Variants in USP25 observed in about 807,000 individuals in gnomAD.
USP25 encodes ubiquitin carboxyl-terminal hydrolase 25.
A neutral mutation model predicts 158.5 loss-of-function variants in USP25; 85 were observed. The observed-to-expected ratio is 0.54, with a 90% CI of 0.45 to 0.64. The LOEUF is 0.64. Among genes scored for constraint, USP25 ranks in the 30% least tolerant of loss-of-function variants. The pLI is 0.00. For synonymous variants in USP25, 464 were observed against 460.4 expected, an observed-to-expected ratio of 1.01 and a Z score of -0.10; for missense variants, 1,242 against 1,327.3, an observed-to-expected ratio of 0.94 and a Z score of 1.00.
At chr21:15,760,938 G>A (rs926467635) in intron 1 of USP25, among the ~76,000 whole-genome samples, 3 of 152,036 alleles carry the variant, frequency 2.0e-5, no homozygotes, top group East Asian at 1.9e-4. Context: ...ATATTTCTCC[G>A]GTTGTCTCAA....
At chr21:15,742,011 G>A (rs998168492) in intron 1 of USP25, among the ~76,000 whole-genome samples, 2 of 152,170 alleles carry the variant, frequency 1.3e-5, no homozygotes, top group African/African-American at 4.8e-5. Context: ...TTTTAGTTGG[G>A]TTGGAAGTTT....
chr21:15,794,949 T>C (rs2035786137), intron 5 of USP25, among the ~76,000 whole-genome samples: 1 of 151,580 alleles, frequency 6.6e-6, no homozygotes, highest in East Asian at 1.9e-4. Context: ...TGATGCATAT[T>C]GTCAGAACAT....
chr21:15,736,094 C>G (rs1347808484), intron 1 of USP25, among the ~76,000 whole-genome samples: 1 of 149,822 alleles, frequency 6.7e-6, no homozygotes, highest in East Asian at 2.0e-4. Context: ...AGATGCTGAT[C>G]TTATTTCCTG....
chr21:15,751,738 A>G (rs1376108494), intron 1 of USP25, among the ~76,000 whole-genome samples: 1 of 152,192 alleles, frequency 6.6e-6, no homozygotes, highest in Non-Finnish European at 1.5e-5. Context: ...GGTTTTTGGA[A>G]CTGAAAATAC....
In USP25 at chr21:15,833,339, G is replaced by T; in HGVS notation, c.1994-9G>T. 6.2e-7 allele frequency: 1 copy of T among 1,604,268 alleles called. No homozygotes were observed. The highest frequency in any genetic ancestry group is 1.1e-5 in the South Asian group (1 of 88,228). ...AATTTTATACTAGTTTTTGAAATATGATTTGCAGAGGAGTTTAATAAAGAA... is the reference window on the plus strand; with the variant it reads ...AATTTTATACTAGTTTTTGAAATATTATTTGCAGAGGAGTTTAATAAAGAA... On this transcript the variant is annotated splice_polypyrimidine_tract_variant and intron_variant, in intron 16 of 25. Transcript: ENST00000400183.
At chr21:15,752,091 G>A (rs571925811) in intron 1 of USP25, among the ~76,000 whole-genome samples, 5 of 151,536 alleles carry the variant, frequency 3.3e-5, no homozygotes, top group Admixed American at 1.3e-4. Flanking sequence ...GCGCCACCAC[G>A]CCTGGCTAAT....
Position 15,843,505 on chromosome 21 carries a change from A to T in USP25, c.2337+965A>T, listed in dbSNP as rs1380916984. Among the ~76,000 whole-genome samples the T allele has an allele frequency of 6.6e-6, 1 of 152,240 alleles. No homozygotes were observed. Among genetic ancestry groups the T allele is most frequent in the Non-Finnish European group, 1.5e-5 (1 of 68,034 alleles). ...TAATTTTGTTTTGATGAACTAAATA[A>T]CAATACAAATTATTTTTTGTTTGAA... On this transcript the variant is annotated intron_variant, in intron 18 of 25. Transcript: ENST00000400183. This position sits in a 1 kb window ranked among gnomAD's most constrained non-coding sequence, Gnocchi z 4.0.
chr21:15,812,913 A>G (rs939405663), intron 9 of USP25, among the ~76,000 whole-genome samples: 3 of 152,026 alleles, frequency 2.0e-5, no homozygotes, highest in Non-Finnish European at 4.4e-5. Context: ...CCCCACTGCA[A>G]AAGTCCCTCA....
chr21:15,877,206 T>C (rs2040133879), intron 24 of USP25: 1 of 152,226 alleles, frequency 6.6e-6, no homozygotes, highest in Non-Finnish European at 1.5e-5. Context: ...CAGAAAAAGT[T>C]TGCCAATCCT....
intron 22 of USP25, among the ~76,000 whole-genome samples, chr21:15,869,549 C>A (rs546650847): frequency 2.6e-5 from 4 of 152,064 alleles, no homozygotes; most frequent in Non-Finnish European, 5.9e-5. Context: ...TTTACCATAT[C>A]TCATGTAAAT....
intron 4 of USP25, among the ~76,000 whole-genome samples, chr21:15,786,392 T>C (rs995371824): frequency 6.6e-6 from 1 of 152,140 alleles, no homozygotes; most frequent in South Asian, 2.1e-4. Context: ...AACAAGATTC[T>C]AGCACGTCCG....
chr21:15,857,479 A>G (rs937822634), intron 20 of USP25, among the ~76,000 whole-genome samples: 10 of 152,098 alleles, frequency 6.6e-5, no homozygotes, highest in African/African-American at 1.7e-4. Flanking sequence ...ATGTAATCTC[A>G]TATTTCAAAA....
intron 1 of USP25, among the ~76,000 whole-genome samples, chr21:15,731,527 A>C (rs868653926): frequency 6.6e-6 from 1 of 152,188 alleles, no homozygotes; most frequent in Non-Finnish European, 1.5e-5. Context: ...GGCTGTCTAC[A>C]TACAGCCTGC....
At chr21:15,825,715 C>T (rs533328699) in intron 12 of USP25, among the ~76,000 whole-genome samples, 2 of 152,224 alleles carry the variant, frequency 1.3e-5, no homozygotes, top group East Asian at 3.9e-4. Flanking sequence ...CTCTGCATTC[C>T]CCTATTTTAG....
intron 1 of USP25, among the ~76,000 whole-genome samples, chr21:15,754,190 C>T (rs186327702): frequency 1.8e-4 from 28 of 152,252 alleles, no homozygotes; most frequent in Admixed American, 1.5e-3. Context: ...ATATTCTAGT[C>T]GCCTGCAGTC....
At chr21:15,859,537 C>T (rs1281380004) in intron 20 of USP25, among the ~76,000 whole-genome samples, 1 of 152,100 alleles carries the variant, frequency 6.6e-6, no homozygotes, top group Admixed American at 6.5e-5. Context: ...TTAGATATCA[C>T]AGAAATTATC....
chr21:15,772,779 T>C (rs755195311), intron 3 of USP25, among the ~76,000 whole-genome samples: 21 of 152,232 alleles, frequency 1.4e-4, no homozygotes, highest in Non-Finnish European at 7.3e-5. Context: ...AACATTTTAT[T>C]TTCTTTTACT....
In USP25 at chr21:15,877,936, A is replaced by G. The variant is rs1271787334; in HGVS notation, c.3150A>G (p.Leu1050=). 1 of 1,613,344 alleles carries G rather than the reference A, an allele frequency of 6.2e-7. No homozygotes were observed. The highest frequency in any genetic ancestry group is 1.3e-5 in the African/African-American group (1 of 74,864). Residue 1050 remains leucine (L), a synonymous_variant, in exon 25 of 26, where the codon CTA becomes CTG. Coordinates refer to ENST00000400183, the MANE Select transcript of USP25 (RefSeq NM_001283041.3). ...ATGAAATGGAAGAAAAGGATATACT[A>G]GCTGTAGAAGATATGAGAAATCGAT... The part of the protein sequence containing the change: ...LVDEMEEKDI[L]AVEDMRNRWC...
chr21:15,828,611 TATG>T (rs2037644074), intron 14 of USP25, among the ~76,000 whole-genome samples: 1 of 152,096 alleles, frequency 6.6e-6, no homozygotes, highest in South Asian at 2.1e-4. Context: ...GAAAGAGAAA[TATG>T]ATGAGTTCTC....
Sources: allele counts gnomAD v4.1 joint callset (sites outside exome capture counted in the v4.1 genomes callset), GRCh38; gene constraint gnomAD v4.1.1; non-coding constraint Gnocchi (gnomAD v3.1); transcripts MANE v1.5; gene names NCBI Gene and HGNC (gene_info 2026-07-23, HGNC 2026-07-21).